CHODL: variants seen among roughly 807,000 people sequenced by gnomAD.
CHODL encodes chondrolectin, also known as transmembrane protein MT75.
Under a neutral mutation model 34.5 loss-of-function variants are expected in CHODL, and 29 were observed. The observed-to-expected ratio is 0.84, with a 90% confidence interval of 0.63 to 1.15. The LOEUF (loss-of-function observed/expected upper bound fraction) is 1.15. CHODL is among the 50% of genes most tolerant of loss of function. The probability of loss-of-function intolerance (pLI) is 0.00; values close to 1 mark genes in which losing one functional copy is unlikely to be tolerated. For missense variants in CHODL, 332 were observed against 332.5 expected (o/e 1.00, Z 0.01); for synonymous variants, 125 against 116.1 (o/e 1.08, Z -0.49).
chr21:17,965,006 A>C (rs1568819971), intron 1 of CHODL, among the ~76,000 whole-genome samples: 5 of 152,210 alleles, frequency 3.3e-5, no homozygotes, highest in Non-Finnish European at 7.3e-5. Context: ...TTTCTGCTTC[A>C]TTTGGACTTG....
Position 18,206,197 on chromosome 21 carries a change from C to T in CHODL, c.-44-50312C>T, listed in dbSNP as rs376384064. Among the ~76,000 whole-genome samples the T allele has an allele frequency of 2.5e-4, 38 of 152,262 alleles. No individual in the cohort carries two copies. The East Asian group carries it at 3.1e-3, about 12-fold the overall frequency. ...AGTCCAATGTTTCTTTGTTGACTTT[C>T]TGTCTGGATGACTTGTTCAATGCTA... is the stretch of plus-strand genomic sequence containing the variant. On this transcript the variant is annotated intron_variant, in intron 2 of 6. Coordinates refer to the CHODL transcript ENST00000400127.
intron 1 of CHODL, among the ~76,000 whole-genome samples, chr21:18,007,386 A>G (rs2063970588): frequency 6.6e-6 from 1 of 152,232 alleles, no homozygotes. Flanking sequence ...TTTACTATAC[A>G]TTACTTATGA....
intron 2 of CHODL, among the ~76,000 whole-genome samples, chr21:18,156,116 A>G (rs1171684244): frequency 6.6e-6 from 1 of 152,160 alleles, no homozygotes; most frequent in Non-Finnish European, 1.5e-5. Flanking sequence ...AGGAAAATCA[A>G]AGTGACTTGC....
chr21:18,093,100 C>T (rs1234002986), intron 2 of CHODL, among the ~76,000 whole-genome samples: 1 of 152,058 alleles, frequency 6.6e-6, no homozygotes, highest in African/African-American at 2.4e-5. Context: ...AGAAAAGAAA[C>T]AAATAACATA....
At chr21:17,980,110 T>G (rs2063702246) in intron 1 of CHODL, among the ~76,000 whole-genome samples, 1 of 150,678 alleles carries the variant, frequency 6.6e-6, no homozygotes, top group Non-Finnish European at 1.5e-5. Context: ...TTTTTTTTGG[T>G]CTGGAGACAA....
At chr21:18,115,960 T>G (rs895281042) in intron 2 of CHODL, among the ~76,000 whole-genome samples, 2 of 152,206 alleles carry the variant, frequency 1.3e-5, no homozygotes, top group African/African-American at 4.8e-5. Context: ...ATTTTTTTTT[T>G]TAATTACTGC....
At chr21:18,230,913 G>T (rs1459359749) in intron 2 of CHODL, among the ~76,000 whole-genome samples, 1 of 152,020 alleles carries the variant, frequency 6.6e-6, no homozygotes, top group Non-Finnish European at 1.5e-5. Context: ...AAATACAAAT[G>T]CTTTTCTATT....
intron 4 of CHODL, among the ~76,000 whole-genome samples, chr21:18,262,521 A>G (rs2074394525): frequency 6.6e-6 from 1 of 152,218 alleles, no homozygotes; most frequent in Non-Finnish European, 1.5e-5. Context: ...AGGATATCAA[A>G]TATAAAAGAT....
intron 1 of CHODL, among the ~76,000 whole-genome samples, chr21:18,002,856 G>A (rs577776938): frequency 9.9e-5 from 15 of 152,004 alleles, no homozygotes; most frequent in Admixed American, 4.6e-4. Flanking sequence ...GGGCGCTGTG[G>A]CTCACGCCTG....
intron 2 of CHODL, among the ~76,000 whole-genome samples, chr21:18,048,546 A>C (rs1260135099): frequency 6.6e-6 from 1 of 151,940 alleles, no homozygotes; most frequent in Non-Finnish European, 1.5e-5. Flanking sequence ...GAAAATATGT[A>C]GCAGCAAAAG....
rs1216841108 is a variant in CHODL at position 18,013,147 on chromosome 21, T to C, written c.-144-14725T>C. On this transcript the variant is annotated intron_variant, in intron 1 of 6. Coordinates refer to the CHODL transcript ENST00000400127. Reference sequence around the variant, plus strand: ...TTACTTGCCCAGATAGGTAACTTGATTAATAATGCACTCTCTATTGACTCA... The same window carrying C: ...TTACTTGCCCAGATAGGTAACTTGACTAATAATGCACTCTCTATTGACTCA... 3.9e-5 allele frequency among the ~76,000 whole-genome samples: 6 copies of C among 152,210 alleles called. No homozygotes were observed. The East Asian group carries it at 1.2e-3, about 29-fold the overall frequency.
At chr21:18,053,994 G>GTA (rs931658028) in intron 2 of CHODL, among the ~76,000 whole-genome samples, 5 of 151,640 alleles carry the variant, frequency 3.3e-5, no homozygotes, top group African/African-American at 1.2e-4. Context: ...TATATGACAT[G>GTA]TATATATATC....
intron 1 of CHODL, among the ~76,000 whole-genome samples, chr21:18,250,183 T>C (rs976891945): frequency 6.6e-6 from 1 of 152,156 alleles, no homozygotes; most frequent in Non-Finnish European, 1.5e-5. Flanking sequence ...GATTAAATAA[T>C]CTCAAGTACC....
At chr21:18,108,585 T>C (rs1033600662) in intron 2 of CHODL, among the ~76,000 whole-genome samples, 9 of 152,164 alleles carry the variant, frequency 5.9e-5, no homozygotes, top group African/African-American at 1.9e-4. Context: ...ATGGGAAGTA[T>C]ATGAAGGGAA....
At chr21:18,223,318 T>C (rs1246149715) in intron 2 of CHODL, among the ~76,000 whole-genome samples, 2 of 152,202 alleles carry the variant, frequency 1.3e-5, no homozygotes, top group South Asian at 2.1e-4. Flanking sequence ...AATTATAAAA[T>C]TAAATTAATT....
rs2074468519 is a variant in CHODL, at chr21:18,266,821, T to TAAAC, written c.*785_*788dup. The TAAAC allele has an allele frequency of 6.5e-6, 1 of 152,746 alleles. No individual in the cohort carries two copies. The allele number at this position is 152,746 out of a possible 1,614,324, so 9.5% of individuals were successfully genotyped here. On this transcript the variant is annotated 3_prime_UTR_variant, in exon 6 of 6. Coordinates refer to ENST00000299295, the MANE Select transcript of CHODL (RefSeq NM_024944.3). ...TAATGTAACTTTGTTAATAGGTGCA[T>TAAAC]AAACACTAATGCAGTCAATTTGAAC...
intron 2 of CHODL, among the ~76,000 whole-genome samples, chr21:18,170,072 A>G (rs2073208850): frequency 6.6e-6 from 1 of 151,984 alleles, no homozygotes; most frequent in Admixed American, 6.6e-5. Context: ...GTCTCTCTTC[A>G]ATCCTATCAG....
intron 3 of CHODL, among the ~76,000 whole-genome samples, chr21:18,259,661 C>A (rs1282474483): frequency 6.6e-6 from 1 of 152,172 alleles, no homozygotes; most frequent in Non-Finnish European, 1.5e-5. Context: ...GAAAGCAAAT[C>A]TAAGGATGGC....
At chr21:18,077,108 A>C (rs2064875902) in intron 2 of CHODL, among the ~76,000 whole-genome samples, 1 of 152,140 alleles carries the variant, frequency 6.6e-6, no homozygotes, top group Admixed American at 6.5e-5. Flanking sequence ...GTGTGCATGG[A>C]GGGTAGAGCA....
Sources: allele counts gnomAD v4.1 joint callset (sites outside exome capture counted in the v4.1 genomes callset), GRCh38; gene constraint gnomAD v4.1.1; transcripts MANE v1.5; gene names NCBI Gene and HGNC (gene_info 2026-07-23, HGNC 2026-07-21).